Variants in PPARD observed in about 807,000 individuals in gnomAD.
PPARD encodes peroxisome proliferator activated receptor delta.
In PPARD, 6 loss-of-function variants were observed where a neutral mutation model predicts 39.5. The ratio of observed to expected loss-of-function variants is 0.15; its 90% CI spans 0.08 to 0.30. The LOEUF (loss-of-function observed/expected upper bound fraction) is 0.30. Ranked by LOEUF, PPARD falls within the 10% of genes least tolerant of loss-of-function variation. The pLI is 1.00. For synonymous variants in PPARD, 210 were observed against 231.3 expected (o/e 0.91, Z 0.83); for missense variants, 397 against 596.8 (o/e 0.67, Z 3.49).
chr6:35,400,143 C>T (rs1369868646), intron 2 of PPARD, among the ~76,000 whole-genome samples: 1 of 152,150 alleles, frequency 6.6e-6, no homozygotes, highest in African/African-American at 2.4e-5. Flanking sequence ...GTCTCTCTGC[C>T]CTGCAGATCC....
intron 2 of PPARD, among the ~76,000 whole-genome samples, chr6:35,357,928 G>A (rs1014861356): frequency 2.0e-5 from 3 of 152,156 alleles, no homozygotes; most frequent in Non-Finnish European, 2.9e-5. Flanking sequence ...CTTCTTTCAT[G>A]TGGACCAGGG....
At position 35,363,840 on chromosome 6, in the gene PPARD, G is replaced by T. The variant is rs1171844206; in HGVS notation, c.-102+16690G>T. 4.0e-5 allele frequency among the ~76,000 whole-genome samples: 6 copies of T among 151,894 alleles called. No homozygotes were observed. Among genetic ancestry groups the T allele is most frequent in the Non-Finnish European group, 8.8e-5 (6 of 67,986 alleles). On this transcript the variant is annotated intron_variant, in intron 2 of 7. Transcript: ENST00000360694. This position sits in a 1 kb window ranked among gnomAD's most constrained non-coding sequence, Gnocchi z 4.5. The stretch of plus-strand genomic sequence containing the variant: ...ACATATTTTTATAGCATAAAATTAA[G>T]ATATAGTTCACATAACCAAATTCAC...
chr6:35,384,148 T>G (rs1344663261), intron 2 of PPARD, among the ~76,000 whole-genome samples: 5 of 121,918 alleles, frequency 4.1e-5, no homozygotes, highest in Admixed American at 8.1e-5. Context: ...CGCCTCTGCC[T>G]GGCCACCCCT....
chr6:35,384,947 A>G (rs1292894405), intron 2 of PPARD, among the ~76,000 whole-genome samples: 43 of 116,498 alleles, frequency 3.7e-4, no homozygotes, highest in Admixed American at 1.3e-3. Flanking sequence ...CAGCCGCCCC[A>G]TCCGGGAGGG....
intron 2 of PPARD, among the ~76,000 whole-genome samples, chr6:35,374,316 G>GGGGGGGGT (rs1762669568): frequency 1.7e-4 from 26 of 150,220 alleles, no homozygotes; most frequent in African/African-American, 6.3e-4. Context: ...GGTGGGGCGG[G>GGGGGGGGT]GGGGTTTAGT....
Position 35,426,422 on chromosome 6 carries a change from T to G in PPARD, c.*343T>G. 1 of 346,998 alleles carries G rather than the reference T, an allele frequency of 2.9e-6. No individual in the cohort carries two copies. 21.5% of individuals were successfully genotyped at this position (346,998 alleles called of 1,614,324 possible). ...CCCCCACGTCTGTCCTCCTTTCTTA[T>G]TCTGTGAGATGTTTTGTATTATTTC... On this transcript the variant is annotated 3_prime_UTR_variant, in exon 8 of 8. Transcript: ENST00000360694.
chr6:35,368,229 G>A (rs533401859), intron 2 of PPARD, among the ~76,000 whole-genome samples: 1 of 152,320 alleles, frequency 6.6e-6, no homozygotes, highest in Non-Finnish European at 1.5e-5. Context: ...TTGCTCTAGG[G>A]ATTTGCTAGC....
chr6:35,379,304 A>G (rs1763000325), intron 2 of PPARD, among the ~76,000 whole-genome samples: 1 of 151,776 alleles, frequency 6.6e-6, no homozygotes. Context: ...GGGTTTTACC[A>G]TGTTGCCCAG....
At chr6:35,422,005 C>G in intron 5 of PPARD, 47 bp downstream of exon 5, 1 of 1,553,090 alleles carries the variant, frequency 6.4e-7, no homozygotes, top group Non-Finnish European at 8.7e-7. Context: ...TCCACACAGC[C>G]TGAAACCAAG....
At chr6:35,345,813 G>T (rs1436141439) in intron 1 of PPARD, among the ~76,000 whole-genome samples, 3 of 151,864 alleles carry the variant, frequency 2.0e-5, no homozygotes. Flanking sequence ...TGCAGATTCT[G>T]GCACATCCTG....
chr6:35,376,102 G>GA (rs1317457731), intron 2 of PPARD, among the ~76,000 whole-genome samples: 1 of 152,054 alleles, frequency 6.6e-6, no homozygotes, highest in African/African-American at 2.4e-5. Flanking sequence ...ATTTATAAAA[G>GA]AAAAAACAAA....
chr6:35,411,293 A>C, intron 3 of PPARD, 76 bp downstream of exon 3: 3 of 1,347,080 alleles, frequency 2.2e-6, no homozygotes, highest in Non-Finnish European at 2.9e-6. Flanking sequence ...GCCCTCTGCA[A>C]ACGCCATCAT....
rs1766569264 is a variant in PPARD, at chr6:35,426,254, C to T, written c.*175C>T. 2.6e-6 allele frequency: 2 copies of T among 768,474 alleles called. No individual in the cohort carries two copies. Among genetic ancestry groups the T allele is most frequent in the Non-Finnish European group, 4.1e-6 (2 of 489,938 alleles). The allele number at this position is 768,474 out of a possible 1,614,324, so 47.6% of individuals were successfully genotyped here. ...CTGGCTCCCTGTGCCCTCTCTCCCG[C>T]TTCCTCCAGCCAGCTCTCTTCCTGT... On this transcript the variant is annotated 3_prime_UTR_variant, in exon 8 of 8. Transcript: ENST00000360694.
intron 2 of PPARD, among the ~76,000 whole-genome samples, chr6:35,381,503 A>C (rs960672386): frequency 6.6e-6 from 1 of 152,146 alleles, no homozygotes; most frequent in African/African-American, 2.4e-5. Context: ...TGCCATCCTT[A>C]GTGCAGGGCG....
rs199532192 is a variant in PPARD, at chr6:35,424,823, C to T, written c.1078+44C>T. ...GGTGGGCTGGCCTGGCACACCCAGT[C>T]GTCCTGGGGGTTGGCCCTCACTGCA... On this transcript the variant is annotated intron_variant, in intron 7 of 7. Transcript: ENST00000360694. The surrounding 1 kb of genome is among the most constrained non-coding windows in gnomAD (Gnocchi z 7.1). The T allele has an allele frequency of 5.0e-6, 8 of 1,593,954 alleles. No individual in the cohort carries two copies. The highest frequency in any genetic ancestry group is 3.4e-5 in the South Asian group (3 of 87,794).
intron 1 of PPARD, among the ~76,000 whole-genome samples, chr6:35,344,244 C>T (rs1237106815): frequency 6.6e-6 from 1 of 151,970 alleles, no homozygotes; most frequent in Non-Finnish European, 1.5e-5. Flanking sequence ...TCCCTGGGAG[C>T]TTAATTTCCT....
chr6:35,374,442 G>C (rs896391905), intron 2 of PPARD, among the ~76,000 whole-genome samples: 7 of 151,944 alleles, frequency 4.6e-5, no homozygotes, highest in African/African-American at 1.5e-4. Context: ...CGGATCACAA[G>C]GTCAGGAGAT....
rs201747942 is a variant in PPARD at position 35,427,072 on chromosome 6, C to G, written c.*993C>G. On this transcript the variant is annotated 3_prime_UTR_variant, in exon 8 of 8. Coordinates refer to ENST00000360694, the MANE Select transcript of PPARD (RefSeq NM_006238.5). ...AGTCCTGGGGTCAGGCCAGGGAGAG[C>G]TCGGGGCAGGCCTTCCGCCAGCACT... 6.6e-6 allele frequency: 1 copy of G among 152,546 alleles called. No homozygotes were observed. The highest frequency in any genetic ancestry group is 1.5e-5 in the Non-Finnish European group (1 of 68,310). The allele number at this position is 152,546 out of a possible 1,614,324, so 9.4% of individuals were successfully genotyped here.
chr6:35,400,345 T>G (rs528904264), intron 2 of PPARD, among the ~76,000 whole-genome samples: 3 of 151,740 alleles, frequency 2.0e-5, no homozygotes, highest in African/African-American at 7.3e-5. Flanking sequence ...GAGTAGGGGG[T>G]GTAGTGATAA....
Sources: gnomAD v4.1 joint callset for allele counts (sites outside exome capture counted in the v4.1 genomes callset) on GRCh38, gnomAD v4.1.1 for gene constraint, Gnocchi (gnomAD v3.1) non-coding constraint, MANE v1.5 for transcripts, NCBI Gene and HGNC (gene_info 2026-07-23, HGNC 2026-07-21) for gene names.